Variants in NRXN3 observed in about 807,000 individuals in gnomAD.
The protein encoded by NRXN3 is neurexin 3.
A neutral mutation model predicts 137.6 loss-of-function variants in NRXN3; 32 were observed. That is an observed-to-expected ratio of 0.23 (90% CI 0.18 to 0.31). The LOEUF (loss-of-function observed/expected upper bound fraction) is 0.31. Among genes scored for constraint, NRXN3 ranks in the 10% least tolerant of loss-of-function variants. The probability of loss-of-function intolerance (pLI) is 1.00; values close to 1 mark genes in which losing one functional copy is unlikely to be tolerated. For synonymous variants in NRXN3, 798 were observed against 784.5 expected, an observed-to-expected ratio of 1.02 and a Z score of -0.29; for missense variants, 1,574 against 2,062.5, an observed-to-expected ratio of 0.76 and a Z score of 4.59.
At chr14:79,417,364 G>T (rs2095511839) in intron 15 of NRXN3, among the ~76,000 whole-genome samples, 1 of 152,038 alleles carries the variant, frequency 6.6e-6, no homozygotes, top group African/African-American at 2.4e-5. Context: ...CTCTTAAGAT[G>T]TTTATTCATT....
intron 19 of NRXN3, among the ~76,000 whole-genome samples, chr14:79,793,576 T>C (rs998278030): frequency 2.6e-5 from 4 of 152,206 alleles, no homozygotes; most frequent in South Asian, 2.1e-4. Flanking sequence ...TTCAGAACTG[T>C]TCTCAGGGTT....
chr14:78,796,835 T>C (rs1273858993), intron 8 of NRXN3, among the ~76,000 whole-genome samples: 1 of 152,102 alleles, frequency 6.6e-6, no homozygotes, highest in African/African-American at 2.4e-5. Context: ...CTTACTCAGG[T>C]GCTATTCCTA....
intron 16 of NRXN3, among the ~76,000 whole-genome samples, chr14:79,594,556 A>G (rs1424844): frequency 0.081 from 12,312 of 152,274 alleles, 520 homozygotes; most frequent in Middle Eastern, 0.14. Context: ...CAGCCTAAGA[A>G]GAAAGTCCAG....
intron 15 of NRXN3, among the ~76,000 whole-genome samples, chr14:79,394,249 A>T (rs1288834304): frequency 6.6e-6 from 1 of 152,222 alleles, no homozygotes; most frequent in African/African-American, 2.4e-5. Context: ...GGCTGGAAGG[A>T]AGTGCAAATA....
intron 3 of NRXN3, among the ~76,000 whole-genome samples, chr14:78,286,543 G>C (rs924312451): frequency 1.3e-5 from 2 of 152,252 alleles, no homozygotes; most frequent in African/African-American, 2.4e-5. Context: ...GGCCTCAGGA[G>C]GGGTGAGGAG....
chr14:78,978,762 ATATAT>A (rs1197826593), intron 14 of NRXN3, among the ~76,000 whole-genome samples: 25 of 147,782 alleles, frequency 1.7e-4, no homozygotes, highest in Non-Finnish European at 2.7e-4. Context: ...CTTATATATA[ATATAT>A]TATATAAAAT....
chr14:79,776,112 G>A (rs2099096311), intron 19 of NRXN3, among the ~76,000 whole-genome samples: 1 of 152,158 alleles, frequency 6.6e-6, no homozygotes, highest in Admixed American at 6.6e-5. Context: ...TCAAGGACCA[G>A]ATCAAAATGC....
chr14:79,754,861 T>C (rs907152833), intron 19 of NRXN3, among the ~76,000 whole-genome samples: 1 of 151,970 alleles, frequency 6.6e-6, no homozygotes, highest in Non-Finnish European at 1.5e-5. Flanking sequence ...CAAGATCTGA[T>C]GGTTTCATAA....
intron 8 of NRXN3, among the ~76,000 whole-genome samples, chr14:78,771,101 G>A (rs2098726288): frequency 6.6e-6 from 1 of 152,192 alleles, no homozygotes; most frequent in Non-Finnish European, 1.5e-5. Context: ...AGGCCACGTT[G>A]CTAATTGTGC....
At chr14:79,138,500 A>T (rs987248605) in intron 15 of NRXN3, among the ~76,000 whole-genome samples, 3 of 152,262 alleles carry the variant, frequency 2.0e-5, no homozygotes. Flanking sequence ...CATTGAAAAT[A>T]AGTCACTGTG....
chr14:79,130,612 T>A (rs1002707672), intron 15 of NRXN3, among the ~76,000 whole-genome samples: 11 of 152,124 alleles, frequency 7.2e-5, no homozygotes, highest in Middle Eastern at 3.2e-3. Flanking sequence ...GCCCTTAACA[T>A]TTTTTCCATC....
At chr14:78,314,807 G>A (rs1408715866) in intron 4 of NRXN3, among the ~76,000 whole-genome samples, 1 of 152,064 alleles carries the variant, frequency 6.6e-6, no homozygotes, top group African/African-American at 2.4e-5. Context: ...GTTTCTATGA[G>A]ATAGAGAATC....
chr14:79,224,828 G>A (rs1256369397), intron 15 of NRXN3, among the ~76,000 whole-genome samples: 3 of 152,208 alleles, frequency 2.0e-5, no homozygotes, highest in Non-Finnish European at 4.4e-5. Flanking sequence ...TACTCCGTAG[G>A]AAGGCAAGGA....
At chr14:79,516,284 C>T (rs2096983562) in intron 16 of NRXN3, among the ~76,000 whole-genome samples, 1 of 152,106 alleles carries the variant, frequency 6.6e-6, no homozygotes, top group Non-Finnish European at 1.5e-5. Flanking sequence ...ATTAGAAGGC[C>T]CCCAGCTTGC....
intron 15 of NRXN3, among the ~76,000 whole-genome samples, chr14:79,266,267 A>C (rs2078452071): frequency 6.6e-6 from 1 of 152,126 alleles, no homozygotes; most frequent in African/African-American, 2.4e-5. Flanking sequence ...TCCTTTCTAT[A>C]TTACTTCAAA....
chr14:78,868,785 C>T (rs150765228), intron 10 of NRXN3, among the ~76,000 whole-genome samples: 1 of 151,806 alleles, frequency 6.6e-6, no homozygotes, highest in South Asian at 2.1e-4. Flanking sequence ...TGCACCATTG[C>T]ACTCCAGCCA....
chr14:78,229,521 G>A (rs1427125139), intron 1 of NRXN3, among the ~76,000 whole-genome samples: 2 of 152,060 alleles, frequency 1.3e-5, no homozygotes, highest in Admixed American at 6.5e-5. Flanking sequence ...TCATCTTCCA[G>A]GAGGGGCATC....
intron 4 of NRXN3, among the ~76,000 whole-genome samples, chr14:78,524,385 C>T (rs967123294): frequency 2.6e-5 from 4 of 152,228 alleles, no homozygotes; most frequent in Admixed American, 2.6e-4. Flanking sequence ...TGTCTATTAA[C>T]ACAATCACTG....
At chr14:79,618,693 G>A (rs1478619579) in intron 16 of NRXN3, among the ~76,000 whole-genome samples, 2 of 151,964 alleles carry the variant, frequency 1.3e-5, no homozygotes, top group Non-Finnish European at 2.9e-5. Context: ...AAAATAATTT[G>A]TATTCCTTTG....
Sources: gnomAD v4.1 joint callset for allele counts (sites outside exome capture counted in the v4.1 genomes callset) on GRCh38, gnomAD v4.1.1 for gene constraint, MANE v1.5 for transcripts, NCBI Gene and HGNC (gene_info 2026-07-23, HGNC 2026-07-21) for gene names.